NEDD1: variants seen among roughly 807,000 people sequenced by gnomAD.
NEDD1 encodes the protein protein NEDD1.
A neutral mutation model predicts 74.0 loss-of-function variants in NEDD1; 33 were observed. The observed-to-expected ratio is 0.45, with a 90% CI of 0.34 to 0.60. The LOEUF is 0.60. Ranked by LOEUF, NEDD1 falls within the 20% of genes least tolerant of loss-of-function variation. The pLI is 0.01. For missense variants in NEDD1, 746 were observed against 776.5 expected, an observed-to-expected ratio of 0.96 and a Z score of 0.47; for synonymous variants, 250 against 264.4, an observed-to-expected ratio of 0.95 and a Z score of 0.53.
At chr12:96,945,956 G>T in intron 14 of NEDD1, 107 bp downstream of exon 14, 2 of 668,614 alleles carry the variant, frequency 3.0e-6, no homozygotes, top group Non-Finnish European at 5.1e-6. Context: ...TCTAGGTTCT[G>T]GTAATCCTAA....
intron 6 of NEDD1, among the ~76,000 whole-genome samples, chr12:96,927,101 C>G (rs7350633): frequency 0.052 from 7,967 of 152,056 alleles, 270 homozygotes; most frequent in South Asian, 0.093. Flanking sequence ...GTTACTTAGG[C>G]CAATTTCTGT....
intron 5 of NEDD1, among the ~76,000 whole-genome samples, chr12:96,919,335 A>G (rs1327055258): frequency 6.6e-6 from 1 of 152,080 alleles, no homozygotes; most frequent in Non-Finnish European, 1.5e-5. Context: ...AGGTTTCTTA[A>G]CCTCTCAGTG....
intron 14 of NEDD1, among the ~76,000 whole-genome samples, chr12:96,950,105 G>C (rs1878567455): frequency 6.6e-6 from 1 of 151,884 alleles, no homozygotes; most frequent in South Asian, 2.1e-4. Flanking sequence ...ATTATGTAAA[G>C]AATGCTTATA....
chr12:96,911,997 T>C (rs1200548995), intron 3 of NEDD1, among the ~76,000 whole-genome samples: 1 of 152,180 alleles, frequency 6.6e-6, no homozygotes, highest in Non-Finnish European at 1.5e-5. Context: ...AAAATCAGAC[T>C]CTTATTCTTA....
rs1877138050 is a variant in NEDD1, at chr12:96,936,720, T to C, written c.829T>C (p.Leu277=). 6.2e-7 allele frequency: 1 copy of C among 1,613,372 alleles called. No homozygotes were observed. Among genetic ancestry groups the C allele is most frequent in the Non-Finnish European group, 8.5e-7 (1 of 1,179,348 alleles). ...CCGGGGGAAAATATATCAATATGAT[T>C]TAAGAATGTTGAAATCACCAGTTAA... ...SSRGKIYQYD[L]RMLKSPVKTI... The change falls in exon 8 of 16, where the codon TTA becomes CTA. Residue 277 remains leucine (L), a synonymous_variant. Transcript: ENST00000266742.
chr12:96,924,815 CT>C (rs1381673755), intron 6 of NEDD1: 1 of 448,154 alleles, frequency 2.2e-6, no homozygotes, highest in Non-Finnish European at 4.5e-6. Context: ...ATTACTTTTT[CT>C]TTATTGCGTT....
At chr12:96,924,154 T>C (rs912386344) in intron 6 of NEDD1, among the ~76,000 whole-genome samples, 2 of 152,246 alleles carry the variant, frequency 1.3e-5, no homozygotes, top group African/African-American at 4.8e-5. Context: ...ATTACATTAA[T>C]GCCTTCTTGC....
chr12:96,944,107 T>C (rs1877948734), intron 12 of NEDD1, among the ~76,000 whole-genome samples: 1 of 152,056 alleles, frequency 6.6e-6, no homozygotes, highest in Non-Finnish European at 1.5e-5. Flanking sequence ...GTGCTGAGAA[T>C]GGAATTTATC....
intron 1 of NEDD1, 105 bp from the exon 2 acceptor site, chr12:96,907,499 C>G: frequency 1.1e-6 from 1 of 951,772 alleles, no homozygotes; most frequent in Non-Finnish European, 1.7e-6. Flanking sequence ...GCCGGGGTCG[C>G]GCACCTCCCG....
intron 6 of NEDD1, among the ~76,000 whole-genome samples, chr12:96,928,776 T>A (rs144147794): frequency 8.3e-4 from 119 of 142,666 alleles, no homozygotes; most frequent in African/African-American, 2.9e-3. Context: ...AAGCTCCGCC[T>A]CCTGGGTTCA....
chr12:96,919,970 A>G lies in NEDD1; in HGVS notation c.349-15A>G, dbSNP rs1348282250. ...ATTATGGGGCAGTGTACTTACTTTC[A>G]TTTCTCTCTTTCAGGATCATAAAGA... On this transcript the variant is annotated splice_polypyrimidine_tract_variant and intron_variant, in intron 5 of 15. Transcript: ENST00000266742. 6.3e-7 allele frequency: 1 copy of G among 1,587,478 alleles called. No homozygotes were observed. The highest frequency in any genetic ancestry group is 8.6e-7 in the Non-Finnish European group (1 of 1,161,114).
At chr12:96,930,193 ACACACACACACACACACACTCTCTCTCT>A (rs1876254017) in intron 6 of NEDD1, among the ~76,000 whole-genome samples, 4 of 73,874 alleles carry the variant, frequency 5.4e-5, no homozygotes, top group African/African-American at 1.6e-4. Context: ...ACACACACAC[ACACACACACACACACACACTCTCTCTCT>A]CTCTCTCTCT....
chr12:96,912,259 CT>C (rs879363212), intron 3 of NEDD1, among the ~76,000 whole-genome samples: 199 of 142,478 alleles, frequency 1.4e-3, no homozygotes, highest in Admixed American at 3.2e-3. Flanking sequence ...AATATCAGGC[CT>C]TTTTTTTTTT....
intron 5 of NEDD1, among the ~76,000 whole-genome samples, chr12:96,918,237 C>G (rs1443407556): frequency 6.6e-6 from 1 of 151,316 alleles, no homozygotes; most frequent in East Asian, 1.9e-4. Flanking sequence ...TTACTATTTA[C>G]AATTAATGTT....
At chr12:96,932,396 C>T (rs1876574021) in intron 6 of NEDD1, among the ~76,000 whole-genome samples, 1 of 125,680 alleles carries the variant, frequency 8.0e-6, no homozygotes, top group Non-Finnish European at 1.6e-5. Flanking sequence ...TGCTTGAGTC[C>T]AGGAGTTTGA....
chr12:96,918,179 G>T (rs577582305), intron 5 of NEDD1, among the ~76,000 whole-genome samples: 83 of 149,196 alleles, frequency 5.6e-4, no homozygotes, highest in African/African-American at 1.8e-3. Flanking sequence ...TTTTTTTTTT[G>T]TGTGTGTGTG....
chr12:96,925,062 A>T (rs1007469484), intron 6 of NEDD1: 1 of 258,208 alleles, frequency 3.9e-6, no homozygotes, highest in Non-Finnish European at 7.6e-6. Flanking sequence ...TTCATCCTAG[A>T]TGAAAGTAGC....
At chr12:96,915,109 C>T (rs2136516964) in intron 4 of NEDD1, among the ~76,000 whole-genome samples, 1 of 152,320 alleles carries the variant, frequency 6.6e-6, no homozygotes, top group African/African-American at 2.4e-5. Flanking sequence ...ATGGTATCTG[C>T]AGGAGAATTA....
chr12:96,951,821 G>A (rs773599496), intron 15 of NEDD1, 128 bp from the exon 16 acceptor site: 1 of 611,074 alleles, frequency 1.6e-6, no homozygotes, highest in Non-Finnish European at 2.9e-6. Flanking sequence ...AAGTTGTTAA[G>A]TACAAGAAAT....
Sources: gnomAD v4.1 joint callset for allele counts (sites outside exome capture counted in the v4.1 genomes callset) on GRCh38, gnomAD v4.1.1 for gene constraint, MANE v1.5 for transcripts, NCBI Gene and HGNC (gene_info 2026-07-23, HGNC 2026-07-21) for gene names.